Variants in CYP7B1 observed in about 807,000 individuals in gnomAD.
CYP7B1 encodes the protein cytochrome P450 7B1.
In CYP7B1, 29 loss-of-function variants were observed where a neutral mutation model predicts 42.7. The observed-to-expected ratio is 0.68, with a 90% CI of 0.51 to 0.93. The LOEUF is 0.93. CYP7B1 is among the 40% of genes least tolerant of loss of function. The pLI, the probability that CYP7B1 is intolerant of heterozygous loss-of-function variation, is 0.00. For synonymous variants in CYP7B1, 235 were observed against 218.2 expected (o/e 1.08, Z -0.68); for missense variants, 655 against 600.5 (o/e 1.09, Z -0.95).
At chr8:64,647,857 A>G (rs1805977421) in intron 1 of CYP7B1, among the ~76,000 whole-genome samples, 1 of 152,154 alleles carries the variant, frequency 6.6e-6, no homozygotes, top group African/African-American at 2.4e-5. Flanking sequence ...ACACCCAGAA[A>G]TAATATTTAA....
At chr8:64,696,531 C>T (rs1282453573) in intron 1 of CYP7B1, among the ~76,000 whole-genome samples, 7 of 152,126 alleles carry the variant, frequency 4.6e-5, no homozygotes. Context: ...ATGACTTGTT[C>T]ATGGTCACTA....
intron 2 of CYP7B1, among the ~76,000 whole-genome samples, chr8:64,621,593 G>A (rs1261024593): frequency 6.6e-6 from 1 of 152,186 alleles, no homozygotes; most frequent in Non-Finnish European, 1.5e-5. Flanking sequence ...CACAAGGCGA[G>A]CAGCAGCAAG....
chr8:64,762,211 A>G (rs1673980931), intron 1 of CYP7B1, among the ~76,000 whole-genome samples: 1 of 152,142 alleles, frequency 6.6e-6, no homozygotes, highest in African/African-American at 2.4e-5. Flanking sequence ...TGTTAGGTAA[A>G]ATGATTATTT....
chr8:64,596,683 G>T lies in CYP7B1; in HGVS notation c.1480C>A (p.Pro494Thr), dbSNP rs774925912. Residue 494 changes from proline (P) to threonine (T), a missense_variant, in exon 6 of 6, where the codon CCA becomes ACA. Physicochemically the swap from Pro to Thr is conservative, Grantham distance 38 (BLOSUM62 -1). Transcript: ENST00000310193. ...YSRLLFGIQY[P>T]DSDVLFRYKV... The stretch of plus-strand genomic sequence containing the variant: ...TATCTAAATAAAACATCAGAATCTG[G>T]ATACTGAATACCAAACAACAAGCGG... 1.2e-6 allele frequency: 2 copies of T among 1,613,202 alleles called. No homozygotes were observed. Among genetic ancestry groups the T allele is most frequent in the Non-Finnish European group, 1.7e-6 (2 of 1,179,640 alleles).
At chr8:64,770,553 T>C (rs1264960590) in intron 1 of CYP7B1, among the ~76,000 whole-genome samples, 2 of 152,238 alleles carry the variant, frequency 1.3e-5, no homozygotes, top group Non-Finnish European at 2.9e-5. Context: ...AAAGTATTCA[T>C]CTACCATAAA....
chr8:64,783,602 G>A (rs561413557), intron 1 of CYP7B1, among the ~76,000 whole-genome samples: 46 of 151,326 alleles, frequency 3.0e-4, no homozygotes, highest in African/African-American at 1.0e-3. Flanking sequence ...TTAGTGCCAA[G>A]GAAACCCAAT....
chr8:64,665,569 T>G (rs1324566683), intron 1 of CYP7B1, among the ~76,000 whole-genome samples: 8 of 99,028 alleles, frequency 8.1e-5, no homozygotes, highest in African/African-American at 3.0e-4. Context: ...GTTTTTTTTT[T>G]TTTTTTTTTT....
chr8:64,645,557 C>A (rs4737195), intron 1 of CYP7B1, among the ~76,000 whole-genome samples: 9,432 of 152,136 alleles, frequency 0.062, 386 homozygotes, highest in South Asian at 0.16. Flanking sequence ...AGGATACAAA[C>A]AAATGGAAGA....
chr8:64,659,164 G>T (rs1182210067), intron 1 of CYP7B1, among the ~76,000 whole-genome samples: 1 of 152,118 alleles, frequency 6.6e-6, no homozygotes, highest in Non-Finnish European at 1.5e-5. Context: ...TGTTTTTGGG[G>T]AACTGGTATT....
intron 1 of CYP7B1, among the ~76,000 whole-genome samples, chr8:64,740,495 C>T (rs187132508): frequency 6.6e-6 from 1 of 150,556 alleles, no homozygotes; most frequent in Non-Finnish European, 1.5e-5. Context: ...AATAGTATAC[C>T]TTATAAAAGA....
At chr8:64,638,043 C>T (rs575117699) in intron 1 of CYP7B1, among the ~76,000 whole-genome samples, 1 of 152,188 alleles carries the variant, frequency 6.6e-6, no homozygotes, top group African/African-American at 2.4e-5. Context: ...TCCGATTATA[C>T]CTTATGAAAA....
chr8:64,629,101 C>A (rs373736311), intron 1 of CYP7B1, among the ~76,000 whole-genome samples: 48 of 152,162 alleles, frequency 3.2e-4, no homozygotes, highest in African/African-American at 1.2e-3. Flanking sequence ...GTGGTGGGCA[C>A]CTGTAATCCC....
At chr8:64,695,066 G>A (rs1306958254) in intron 1 of CYP7B1, among the ~76,000 whole-genome samples, 4 of 152,098 alleles carry the variant, frequency 2.6e-5, no homozygotes, top group Middle Eastern at 3.4e-3. Context: ...AAAACAATTC[G>A]AACCCTTCAA....
intron 1 of CYP7B1, among the ~76,000 whole-genome samples, chr8:64,793,784 T>C (rs929006653): frequency 6.6e-6 from 1 of 151,992 alleles, no homozygotes; most frequent in African/African-American, 2.4e-5. Flanking sequence ...AAAGAATACA[T>C]ATTTATTGAT....
intron 2 of CYP7B1, 151 bp from the exon 3 acceptor site, chr8:64,616,432 A>T: frequency 1.6e-6 from 1 of 637,156 alleles, no homozygotes; most frequent in South Asian, 1.9e-5. Flanking sequence ...ATTCGAAGGT[A>T]CACTACATGT....
At chr8:64,633,482 T>C (rs963287692) in intron 1 of CYP7B1, among the ~76,000 whole-genome samples, 3 of 152,160 alleles carry the variant, frequency 2.0e-5, no homozygotes, top group African/African-American at 7.2e-5. Flanking sequence ...TATTTGAAAT[T>C]AGAAACACAA....
At chr8:64,706,447 C>G (rs751765026) in intron 1 of CYP7B1, among the ~76,000 whole-genome samples, 13 of 152,042 alleles carry the variant, frequency 8.6e-5, no homozygotes, top group Non-Finnish European at 1.8e-4. Context: ...TTTCTCATCT[C>G]TCTTCATTAA....
chr8:64,785,797 T>C (rs972588386), intron 1 of CYP7B1, among the ~76,000 whole-genome samples: 2 of 152,156 alleles, frequency 1.3e-5, no homozygotes, highest in African/African-American at 2.4e-5. Context: ...TTCATTTTCA[T>C]GCTGCTATGA....
chr8:64,722,058 G>A (rs1807244496), intron 1 of CYP7B1, among the ~76,000 whole-genome samples: 1 of 152,162 alleles, frequency 6.6e-6, no homozygotes, highest in African/African-American at 2.4e-5. Flanking sequence ...GTTATCAGGA[G>A]GTTGAGCCAT....
Sources: allele counts gnomAD v4.1 joint callset (sites outside exome capture counted in the v4.1 genomes callset), GRCh38; gene constraint gnomAD v4.1.1; transcripts MANE v1.5; gene names NCBI Gene and HGNC (gene_info 2026-07-23, HGNC 2026-07-21).